The following ZBTB34 variants were observed in gnomAD, a reference collection of about 807,000 sequenced individuals.
ZBTB34 encodes zinc finger and BTB domain containing 34.
ZBTB34 carries 1 observed loss-of-function variant against 33.4 expected under a neutral mutation model. That is an observed-to-expected ratio of 0.03 (90% CI 0.01 to 0.14). ZBTB34 has a LOEUF of 0.14. ZBTB34 is among the 10% of genes least tolerant of loss of function. The pLI, the probability that ZBTB34 is intolerant of heterozygous loss-of-function variation, is 1.00. For missense variants in ZBTB34, 406 were observed against 657.2 expected, an observed-to-expected ratio of 0.62 and a Z score of 4.18; for synonymous variants, 283 against 253.5, an observed-to-expected ratio of 1.12 and a Z score of -1.11.
chr9:126,865,792 C>CTGGT (rs2033192158), intron 1 of ZBTB34, among the ~76,000 whole-genome samples: 1 of 152,122 alleles, frequency 6.6e-6, no homozygotes, highest in South Asian at 2.1e-4. Flanking sequence ...CGAGACCAGA[C>CTGGT]TGGTCAACAT....
At chr9:126,874,410 G>GT (rs1417638848) in intron 1 of ZBTB34, among the ~76,000 whole-genome samples, 1 of 151,784 alleles carries the variant, frequency 6.6e-6, no homozygotes, top group African/African-American at 2.4e-5. Flanking sequence ...GTTTTGTTTT[G>GT]TTTTTTGCTG....
In ZBTB34 at chr9:126,880,359, A is replaced by T. The variant is rs780895953; in HGVS notation, c.960A>T (p.Arg320=). The T allele has an allele frequency of 6.2e-7, 1 of 1,613,880 alleles. No individual in the cohort carries two copies. The highest frequency in any genetic ancestry group is 1.1e-5 in the South Asian group (1 of 91,088). ...CCAGGTCCATGCTGAGCTGTTTCCG[A>T]GGAGGGCGTGCCCGCCAGAAGCGGG... Residue 320 remains arginine, a synonymous_variant, in exon 2 of 2, where the codon CGA becomes CGT. Coordinates refer to ENST00000319119, the Ensembl canonical transcript of ZBTB34. The surrounding 1 kb of genome is among the most constrained non-coding windows in gnomAD (Gnocchi z 6.7).
chr9:126,876,371 C>T (rs145842800), intron 1 of ZBTB34, among the ~76,000 whole-genome samples: 55 of 149,880 alleles, frequency 3.7e-4, no homozygotes, highest in East Asian at 3.4e-3. Context: ...TTTTGCCTTA[C>T]GCTGAAAGGG....
chr9:126,867,639 A>G (rs944443436), intron 1 of ZBTB34, among the ~76,000 whole-genome samples: 1 of 151,120 alleles, frequency 6.6e-6, no homozygotes, highest in Non-Finnish European at 1.5e-5. Flanking sequence ...TTTTTTTGTC[A>G]TGTACTTTTA....
intron 1 of ZBTB34, among the ~76,000 whole-genome samples, chr9:126,864,619 A>G (rs904854056): frequency 1.3e-5 from 2 of 152,162 alleles, no homozygotes; most frequent in Non-Finnish European, 2.9e-5. Flanking sequence ...TGAGTGCTTC[A>G]TGAATATCCA....
intron 1 of ZBTB34, among the ~76,000 whole-genome samples, chr9:126,866,895 C>T (rs1588384775): frequency 6.6e-6 from 1 of 152,156 alleles, no homozygotes; most frequent in Non-Finnish European, 1.5e-5. Context: ...AATAGTACCA[C>T]GTGGTTCCTT....
At position 126,880,482 on chromosome 9, in the gene ZBTB34, G is replaced by C. The variant is rs1408891059; in HGVS notation, c.1083G>C (p.Arg361=). The change falls in exon 2 of 2, where the codon CGG becomes CGC. Residue 361 remains arginine (R), a synonymous_variant. Transcript: ENST00000319119. This position sits in a 1 kb window ranked among gnomAD's most constrained non-coding sequence, Gnocchi z 6.7. ...ACCCCGGGTATGAGAGCAGTCCCCG[G>C]GAGAGGAGTGCGAGAGGGCATTGGT... 1 of 1,613,690 alleles carries C rather than the reference G, an allele frequency of 6.2e-7. No individual in the cohort carries two copies. Among genetic ancestry groups the C allele is most frequent in the African/African-American group, 1.3e-5 (1 of 74,930 alleles).
At chr9:126,883,701 G>C (rs542171273) in exon 2 of ZBTB34, 8 of 167,010 alleles carry the variant, frequency 4.8e-5, no homozygotes, top group East Asian at 3.9e-4. Flanking sequence ...GCAGTGTTAA[G>C]AATGAATTCT....
chr9:126,866,006 A>G (rs995814250), intron 1 of ZBTB34, among the ~76,000 whole-genome samples: 54 of 152,118 alleles, frequency 3.5e-4, no homozygotes, highest in South Asian at 2.1e-4. Context: ...AAACAAAACT[A>G]GTCAGTGGAA....
chr9:126,880,643 G>A lies in ZBTB34; in HGVS notation c.1244G>A (p.Arg415Gln). The A allele has an allele frequency of 6.2e-7, 1 of 1,613,860 alleles. No homozygotes were observed. The highest frequency in any genetic ancestry group is 8.5e-7 in the Non-Finnish European group (1 of 1,179,902). ...AAGTTCTGTGGGAAGAAGTACACAC[G>A]GAAGGACCAACTGGAGTACCACATC... Residue 415 changes from arginine (R) to glutamine (Q), a missense_variant, in exon 2 of 2, where the codon CGG becomes CAG. Arg to Gln is a conservative substitution (Grantham distance 43). Transcript: ENST00000319119. The surrounding 1 kb of genome is among the most constrained non-coding windows in gnomAD (Gnocchi z 6.7).
intron 1 of ZBTB34, among the ~76,000 whole-genome samples, chr9:126,866,144 G>A (rs201524496): frequency 6.6e-6 from 1 of 150,838 alleles, no homozygotes; most frequent in East Asian, 1.9e-4. Flanking sequence ...CCCTCCCCGA[G>A]TAACCTCATT....
chr9:126,874,329 C>A (rs543036058), intron 1 of ZBTB34, among the ~76,000 whole-genome samples: 46 of 151,688 alleles, frequency 3.0e-4, no homozygotes, highest in Non-Finnish European at 5.6e-4. Context: ...GGATTACAGG[C>A]GTGAGCCACC....
chr9:126,871,837 C>CA (rs1281431465), intron 1 of ZBTB34, among the ~76,000 whole-genome samples: 2 of 152,008 alleles, frequency 1.3e-5, no homozygotes, highest in Non-Finnish European at 2.9e-5. Flanking sequence ...AAAAATTGGC[C>CA]AGGTGCAGTG....
chr9:126,867,050 T>A (rs1372220737), intron 1 of ZBTB34, among the ~76,000 whole-genome samples: 1 of 152,126 alleles, frequency 6.6e-6, no homozygotes, highest in Non-Finnish European at 1.5e-5. Context: ...CATACAGATC[T>A]ACCCACTCTT....
Position 126,879,612 on chromosome 9 carries a change from T to C in ZBTB34, c.213T>C (p.Ser71=), listed in dbSNP as rs2033406502. The C allele has an allele frequency of 3.1e-6, 5 of 1,613,798 alleles. No homozygotes were observed. The highest frequency in any genetic ancestry group is 4.2e-6 in the Non-Finnish European group (5 of 1,179,870). ...ACCATTCAGCGTTAAGTACCATGAG[T>C]GGCTTGTCAATATCAGTGATTAAAA... is the stretch of plus-strand genomic sequence containing the variant. Residue 71 remains serine, a synonymous_variant, in exon 2 of 2, where the codon AGT becomes AGC. Coordinates refer to ENST00000319119, the Ensembl canonical transcript of ZBTB34. The surrounding 1 kb of genome is among the most constrained non-coding windows in gnomAD (Gnocchi z 6.4).
rs77402869 is a variant in ZBTB34 at position 126,866,896 on chromosome 9, G to A, written c.-11+6157G>A. 6.5e-3 allele frequency among the ~76,000 whole-genome samples: 983 copies of A among 152,150 alleles called. 38 individuals carry two copies. The East Asian group carries it at 0.1, about 16-fold the overall frequency. On this transcript the variant is annotated intron_variant, in intron 1 of 1. Coordinates refer to ENST00000319119, the Ensembl canonical transcript of ZBTB34. ...CAGTGACCACCATTAATAGTACCAC[G>A]TGGTTCCTTCCAAAATGGATACAGC...
In ZBTB34 at chr9:126,879,782, G is replaced by A; in HGVS notation, c.383G>A (p.Ser128Asn). 2 of 1,613,414 alleles carry A rather than the reference G, an allele frequency of 1.2e-6. No individual in the cohort carries two copies. The highest frequency in any genetic ancestry group is 1.7e-6 in the Non-Finnish European group (2 of 1,179,896). The change falls in exon 2 of 2, where the codon AGC becomes AAC. Residue 128 changes from serine to asparagine, a missense_variant. This residue lies in a region of ZBTB34 where 50 missense variants were observed against 157.9 expected (regional missense o/e 0.32). Transcript: ENST00000319119. The surrounding 1 kb of genome is among the most constrained non-coding windows in gnomAD (Gnocchi z 6.4). ...GACAAGTGCACGCAGATCCTAGAGAGCATCCATTCCAAAATCAGCGTTGGA... is the reference window on the plus strand; with the variant it reads ...GACAAGTGCACGCAGATCCTAGAGAACATCCATTCCAAAATCAGCGTTGGA...
At chr9:126,871,182 G>GTGT (rs1564222199) in intron 1 of ZBTB34, among the ~76,000 whole-genome samples, 3,214 of 122,394 alleles carry the variant, frequency 0.026, 92 homozygotes, top group East Asian at 0.15. Context: ...AAGTGAGGGG[G>GTGT]GTGTGTGTGT....
rs1339796276 is a variant in ZBTB34 at position 126,862,222 on chromosome 9, A to ATGTC, written c.-11+1484_-11+1485insGTCT. ...CCCAGTGATCCTATGGAGTTAGTGA[A>ATGTC]TAGACCAGTCTCCTGGCAGAGAAGG... On this transcript the variant is annotated intron_variant, in intron 1 of 1. Transcript: ENST00000319119. Among the ~76,000 whole-genome samples, 13 of 152,290 alleles carry ATGTC rather than the reference A, an allele frequency of 8.5e-5. No individual in the cohort carries two copies. In the East Asian group the frequency reaches 2.5e-3, roughly 29 times the overall value.
Sources: gnomAD v4.1 joint callset for allele counts (sites outside exome capture counted in the v4.1 genomes callset) on GRCh38, gnomAD v4.1.1 for gene constraint, gnomAD v4.1.1 regional missense constraint, Gnocchi (gnomAD v3.1) non-coding constraint, MANE v1.5 for transcripts, NCBI Gene and HGNC (gene_info 2026-07-23, HGNC 2026-07-21) for gene names.